Variants in SDK1 observed in about 807,000 individuals in gnomAD.
The protein encoded by SDK1 is sidekick cell adhesion molecule 1.
Under a neutral mutation model 245.5 loss-of-function variants are expected in SDK1, and 157 were observed. That is an observed-to-expected ratio of 0.64 (90% CI 0.56 to 0.73). The LOEUF (loss-of-function observed/expected upper bound fraction) is 0.73, where lower values mean the gene tolerates loss of function less well. Among genes scored for constraint, SDK1 ranks in the 30% least tolerant of loss-of-function variants. The pLI is 0.00. For missense variants in SDK1, 3,583 were observed against 3,002.3 expected, an observed-to-expected ratio of 1.19 and a Z score of -4.52; for synonymous variants, 1,647 against 1,278.5, an observed-to-expected ratio of 1.29 and a Z score of -6.15.
At chr7:3,351,467 A>G (rs1374933105) in intron 1 of SDK1, among the ~76,000 whole-genome samples, 1 of 152,154 alleles carries the variant, frequency 6.6e-6, no homozygotes, top group Non-Finnish European at 1.5e-5. Context: ...AGTAATTACA[A>G]TAAATGTAAA....
intron 2 of SDK1, among the ~76,000 whole-genome samples, chr7:3,637,133 T>A (rs992452965): frequency 5.9e-5 from 9 of 152,114 alleles, no homozygotes; most frequent in Non-Finnish European, 1.2e-4. Context: ...TGTCTTGCTC[T>A]GTCACCCAGG....
chr7:3,763,813 A>G (rs1480801701), intron 4 of SDK1, among the ~76,000 whole-genome samples: 1 of 152,186 alleles, frequency 6.6e-6, no homozygotes, highest in African/African-American at 2.4e-5. Flanking sequence ...TTCATACATT[A>G]GAATAGTATT....
intron 1 of SDK1, among the ~76,000 whole-genome samples, chr7:3,311,086 A>G (rs1317380268): frequency 1.3e-5 from 2 of 152,108 alleles, no homozygotes; most frequent in Non-Finnish European, 2.9e-5. Context: ...GAGTCACGGT[A>G]GTAGAGTGGG....
At chr7:4,240,924 C>T (rs1005926322) in intron 42 of SDK1, among the ~76,000 whole-genome samples, 1 of 152,046 alleles carries the variant, frequency 6.6e-6, no homozygotes, top group Non-Finnish European at 1.5e-5. Context: ...TGGAAGATGA[C>T]GCGGGGGTTT....
chr7:3,677,233 T>C (rs1490260297), intron 4 of SDK1, among the ~76,000 whole-genome samples: 1 of 152,180 alleles, frequency 6.6e-6, no homozygotes, highest in East Asian at 1.9e-4. Flanking sequence ...TGTAGGTGTG[T>C]ACACTATTTT....
chr7:3,912,778 A>G (rs1161004608), intron 5 of SDK1, among the ~76,000 whole-genome samples: 1 of 152,178 alleles, frequency 6.6e-6, no homozygotes, highest in Non-Finnish European at 1.5e-5. Flanking sequence ...GAGGAAGGAG[A>G]CCTAAGGGAC....
chr7:3,990,681 C>G (rs1300265942), intron 14 of SDK1, among the ~76,000 whole-genome samples: 1 of 152,206 alleles, frequency 6.6e-6, no homozygotes, highest in African/African-American at 2.4e-5. Context: ...TGTCTTCGTG[C>G]TCCTCATTCC....
intron 5 of SDK1, among the ~76,000 whole-genome samples, chr7:3,852,978 C>T (rs895444757): frequency 3.8e-4 from 58 of 151,774 alleles, no homozygotes; most frequent in Non-Finnish European, 6.6e-4. Context: ...CCTACCTGAC[C>T]GTGTGGATAA....
intron 1 of SDK1, among the ~76,000 whole-genome samples, chr7:3,611,343 C>T (rs1781580742): frequency 6.6e-6 from 1 of 152,128 alleles, no homozygotes; most frequent in Non-Finnish European, 1.5e-5. Context: ...TCGTTTATGT[C>T]CTTTTTCTCC....
intron 4 of SDK1, among the ~76,000 whole-genome samples, chr7:3,685,606 T>C (rs377760773): frequency 6.6e-6 from 1 of 152,192 alleles, no homozygotes; most frequent in Non-Finnish European, 1.5e-5. Context: ...GCAAAAATTG[T>C]AACTTTATGT....
In SDK1 at chr7:4,069,437, T is replaced by C. The variant is rs1039434311; in HGVS notation, c.3010+1501T>C. Among the ~76,000 whole-genome samples, 2 of 152,242 alleles carry C rather than the reference T, an allele frequency of 1.3e-5. 1 individual carries two copies. The highest frequency in any genetic ancestry group is 2.9e-5 in the Non-Finnish European group (2 of 68,042). ...TGGCATCTCATGTCCCGGCAGGGGC[T>C]CCTGCGTGGGTATTCTGCAGCCGCA... On this transcript the variant is annotated intron_variant, in intron 20 of 44. Transcript: ENST00000404826.
At chr7:4,087,764 T>G (rs1781518596) in intron 22 of SDK1, among the ~76,000 whole-genome samples, 1 of 152,142 alleles carries the variant, frequency 6.6e-6, no homozygotes, top group South Asian at 2.1e-4. Context: ...GTTCCCCCCT[T>G]TTTTAGCACC....
intron 25 of SDK1, among the ~76,000 whole-genome samples, chr7:4,124,861 A>T (rs1369934029): frequency 6.6e-6 from 1 of 151,906 alleles, no homozygotes; most frequent in Non-Finnish European, 1.5e-5. Flanking sequence ...GGGCGAATGG[A>T]TGGATGGGTG....
chr7:3,468,203 TATA>T (rs1251003281), intron 1 of SDK1, among the ~76,000 whole-genome samples: 1 of 152,222 alleles, frequency 6.6e-6, no homozygotes, highest in Non-Finnish European at 1.5e-5. Context: ...TAGATAACTG[TATA>T]ATATTTTCTT....
At chr7:3,408,944 T>C (rs1167124651) in intron 1 of SDK1, among the ~76,000 whole-genome samples, 2 of 152,222 alleles carry the variant, frequency 1.3e-5, no homozygotes, top group African/African-American at 4.8e-5. Flanking sequence ...TTATTGCATT[T>C]CAAAAACCTA....
At chr7:4,009,912 T>C (rs557065118) in intron 14 of SDK1, among the ~76,000 whole-genome samples, 6 of 152,224 alleles carry the variant, frequency 3.9e-5, no homozygotes, top group South Asian at 2.1e-4. Flanking sequence ...ATCCCCGCGG[T>C]TGGGGCTGCA....
intron 38 of SDK1, among the ~76,000 whole-genome samples, chr7:4,211,163 G>A (rs377260268): frequency 1.3e-4 from 20 of 152,300 alleles, no homozygotes; most frequent in Admixed American, 8.5e-4. Flanking sequence ...TCAGTGTCAC[G>A]ATGGAAAGAA....
At chr7:3,721,258 T>A (rs1778785031) in intron 4 of SDK1, among the ~76,000 whole-genome samples, 1 of 152,168 alleles carries the variant, frequency 6.6e-6, no homozygotes, top group Non-Finnish European at 1.5e-5. Flanking sequence ...CATCCATGAG[T>A]GCAGGCACTG....
chr7:3,853,724 C>G (rs947720844), intron 5 of SDK1, among the ~76,000 whole-genome samples: 1 of 152,068 alleles, frequency 6.6e-6, no homozygotes, highest in African/African-American at 2.4e-5. Flanking sequence ...GGCACAGTGG[C>G]TCAGGTCTGT....
Sources: allele counts gnomAD v4.1 joint callset (sites outside exome capture counted in the v4.1 genomes callset), GRCh38; gene constraint gnomAD v4.1.1; transcripts MANE v1.5; gene names NCBI Gene and HGNC (gene_info 2026-07-23, HGNC 2026-07-21).